The following RABGAP1L variants were observed in gnomAD, a reference collection of about 807,000 sequenced individuals.
RABGAP1L encodes RAB GTPase activating protein 1 like.
A neutral mutation model predicts 137.7 loss-of-function variants in RABGAP1L; 63 were observed. That is an observed-to-expected ratio of 0.46 (90% confidence interval 0.37 to 0.56). RABGAP1L has a LOEUF of 0.56. Ranked by LOEUF, RABGAP1L falls within the 20% of genes least tolerant of loss-of-function variation. The probability of loss-of-function intolerance (pLI) is 0.00; values close to 1 mark genes in which losing one functional copy is unlikely to be tolerated. For synonymous variants in RABGAP1L, 431 were observed against 433.7 expected, an observed-to-expected ratio of 0.99 and a Z score of 0.08; for missense variants, 1,095 against 1,244.0, an observed-to-expected ratio of 0.88 and a Z score of 1.80.
intron 13 of RABGAP1L, among the ~76,000 whole-genome samples, chr1:174,497,579 A>G (rs74126815): frequency 0.035 from 5,292 of 151,766 alleles, 122 homozygotes; most frequent in Middle Eastern, 0.088. Context: ...CATGAATTCT[A>G]TTTCCCTCCT....
intron 11 of RABGAP1L, among the ~76,000 whole-genome samples, chr1:174,350,019 T>A (rs2148923737): frequency 2.9e-5 from 3 of 103,588 alleles, no homozygotes; most frequent in South Asian, 4.3e-4. Flanking sequence ...GGCTCCTCAC[T>A]TCCCAGTAGG....
intron 1 of RABGAP1L, among the ~76,000 whole-genome samples, chr1:174,201,730 C>T (rs1363854095): frequency 4.6e-5 from 7 of 150,974 alleles, no homozygotes; most frequent in South Asian, 4.2e-4. Flanking sequence ...ATACATGTGC[C>T]ATGTTGGTGT....
chr1:174,684,494 A>C (rs1189469414), intron 15 of RABGAP1L, among the ~76,000 whole-genome samples: 4 of 152,252 alleles, frequency 2.6e-5, no homozygotes, highest in Non-Finnish European at 5.9e-5. Context: ...AAAAATGGTA[A>C]GATGGGAAAT....
At chr1:174,626,127 G>T (rs1672925403) in intron 13 of RABGAP1L, among the ~76,000 whole-genome samples, 1 of 152,098 alleles carries the variant, frequency 6.6e-6, no homozygotes, top group South Asian at 2.1e-4. Flanking sequence ...TCCCCAGTTG[G>T]GACAATGAAC....
At chr1:174,280,885 G>A (rs1298818257) in intron 10 of RABGAP1L, among the ~76,000 whole-genome samples, 4 of 152,152 alleles carry the variant, frequency 2.6e-5, no homozygotes, top group Admixed American at 2.6e-4. Context: ...TGTGTCCAGA[G>A]TTTGTTCCTT....
At chr1:174,478,490 T>C (rs935228720) in intron 13 of RABGAP1L, among the ~76,000 whole-genome samples, 1 of 152,104 alleles carries the variant, frequency 6.6e-6, no homozygotes, top group Non-Finnish European at 1.5e-5. Flanking sequence ...TTGCCCAGGC[T>C]AATCTTGAAC....
chr1:174,314,199 T>G (rs1679145836), intron 11 of RABGAP1L, among the ~76,000 whole-genome samples: 1 of 152,202 alleles, frequency 6.6e-6, no homozygotes, highest in African/African-American at 2.4e-5. Flanking sequence ...TTGTTATTAG[T>G]CTATTCAGGT....
chr1:174,728,867 C>T (rs1326721944), intron 17 of RABGAP1L, among the ~76,000 whole-genome samples: 1 of 152,166 alleles, frequency 6.6e-6, no homozygotes, highest in Admixed American at 6.5e-5. Flanking sequence ...TCTCGAGCTC[C>T]TGACCTCAGG....
intron 17 of RABGAP1L, among the ~76,000 whole-genome samples, chr1:174,737,636 G>A (rs1252865584): frequency 1.3e-5 from 2 of 151,934 alleles, no homozygotes; most frequent in Non-Finnish European, 2.9e-5. Context: ...TCACTCCTTG[G>A]TACCAATTTT....
At chr1:174,229,018 G>GTT (rs34335797) in intron 3 of RABGAP1L, among the ~76,000 whole-genome samples, 2,111 of 148,406 alleles carry the variant, frequency 0.014, 61 homozygotes, top group African/African-American at 0.05. Flanking sequence ...AAAATGAACA[G>GTT]TTTTTTTTTT....
At chr1:174,599,454 T>C (rs1180184754) in intron 13 of RABGAP1L, among the ~76,000 whole-genome samples, 1 of 152,222 alleles carries the variant, frequency 6.6e-6, no homozygotes, top group Non-Finnish European at 1.5e-5. Flanking sequence ...CCAGATGATT[T>C]CTTTTTGCCC....
At chr1:174,896,043 G>C (rs1224202642) in intron 19 of RABGAP1L, among the ~76,000 whole-genome samples, 1 of 152,204 alleles carries the variant, frequency 6.6e-6, no homozygotes, top group Non-Finnish European at 1.5e-5. Context: ...GGGTGAACTA[G>C]TTTCCAGTCC....
intron 14 of RABGAP1L, among the ~76,000 whole-genome samples, chr1:174,654,428 A>C (rs1572698205): frequency 6.6e-6 from 1 of 152,178 alleles, no homozygotes; most frequent in Non-Finnish European, 1.5e-5. Context: ...TTCTTCTGTG[A>C]AGTACTTTTA....
intron 17 of RABGAP1L, among the ~76,000 whole-genome samples, chr1:174,722,253 G>A (rs1015894195): frequency 1.3e-5 from 2 of 152,086 alleles, no homozygotes; most frequent in Admixed American, 6.6e-5. Flanking sequence ...TATGGTTGAT[G>A]CCAGTCACAC....
chr1:174,450,469 A>G (rs1655310029), intron 13 of RABGAP1L, among the ~76,000 whole-genome samples: 4 of 152,236 alleles, frequency 2.6e-5, no homozygotes, highest in Admixed American at 2.6e-4. Flanking sequence ...CTATTTTAAG[A>G]GAAAAATACT....
chr1:174,675,240 T>C (rs1323438695), intron 14 of RABGAP1L, among the ~76,000 whole-genome samples: 1 of 151,988 alleles, frequency 6.6e-6, no homozygotes. Flanking sequence ...TTTAAGTCTT[T>C]AATCCATCTT....
At chr1:174,527,832 A>G (rs1447667911) in intron 13 of RABGAP1L, among the ~76,000 whole-genome samples, 2 of 151,420 alleles carry the variant, frequency 1.3e-5, no homozygotes, top group Non-Finnish European at 2.9e-5. Context: ...TGCATATATT[A>G]ATATATTTAG....
intron 23 of RABGAP1L, among the ~76,000 whole-genome samples, chr1:174,980,986 G>T (rs1040675539): frequency 6.6e-6 from 1 of 152,044 alleles, no homozygotes; most frequent in Non-Finnish European, 1.5e-5. Context: ...AGAAGAGGTG[G>T]TAGACATTAA....
intron 13 of RABGAP1L, among the ~76,000 whole-genome samples, chr1:174,421,585 T>C (rs1651297660): frequency 6.6e-6 from 1 of 152,252 alleles, no homozygotes; most frequent in Admixed American, 6.5e-5. Context: ...TGGTGAAAAC[T>C]TCTCTTAGAT....
Sources: gnomAD v4.1 joint callset for allele counts (sites outside exome capture counted in the v4.1 genomes callset) on GRCh38, gnomAD v4.1.1 for gene constraint, MANE v1.5 for transcripts, NCBI Gene and HGNC (gene_info 2026-07-23, HGNC 2026-07-21) for gene names.